Variants in XPO5 observed in about 807,000 individuals in gnomAD.
The protein encoded by XPO5 is exportin-5.
XPO5 carries 46 observed loss-of-function variants against 160.6 expected under a neutral mutation model. That is an observed-to-expected ratio of 0.29 (90% CI 0.23 to 0.37). The LOEUF (loss-of-function observed/expected upper bound fraction) is 0.37, where lower values mean the gene tolerates loss of function less well. Ranked by LOEUF, XPO5 falls within the 10% of genes least tolerant of loss-of-function variation. The pLI is 1.00. For missense variants in XPO5, 1,090 were observed against 1,463.9 expected (o/e 0.74, Z 4.17); for synonymous variants, 537 against 519.3 (o/e 1.03, Z -0.46).
At chr6:43,569,733 CAA>C (rs111780112) in intron 5 of XPO5, among the ~76,000 whole-genome samples, 23 of 104,420 alleles carry the variant, frequency 2.2e-4, no homozygotes, top group Non-Finnish European at 1.4e-4. Flanking sequence ...ACTCCCTCTC[CAA>C]AAAAAAAAAA....
chr6:43,558,371 G>T, intron 12 of XPO5, 130 bp downstream of exon 12: 2 of 765,166 alleles, frequency 2.6e-6, no homozygotes, highest in Non-Finnish European at 2.1e-6. Context: ...GGAAACTAGG[G>T]CCTAATAAGT....
intron 23 of XPO5, chr6:43,529,226 C>T (rs750351857): frequency 3.6e-6 from 5 of 1,402,938 alleles, no homozygotes; most frequent in East Asian, 3.8e-5. Flanking sequence ...AACTCTCCTT[C>T]ACCATTCTCC....
rs1156884252 is a variant in XPO5 at position 43,536,758 on chromosome 6, T to TAAAA, written c.2343-2755_2343-2752dup. Among the ~76,000 whole-genome samples the TAAAA allele has an allele frequency of 5.0e-3, 96 of 19,100 alleles. 10 individuals are homozygous for TAAAA. Among genetic ancestry groups the TAAAA allele is most frequent in the African/African-American group, 9.3e-3 (38 of 4,094 alleles). The allele number at this position is 19,100 out of a possible 152,430, so 12.5% of individuals were successfully genotyped here. On this transcript the variant is annotated intron_variant, in intron 20 of 31. Transcript: ENST00000265351. ...CTGGACGACAGAGTGAGACTCTATC[T>TAAAA]AAAAAAAAAAAAAAAAAAAAAAAAA...
At chr6:43,570,225 T>C (rs532213809) in intron 5 of XPO5, among the ~76,000 whole-genome samples, 112 of 141,262 alleles carry the variant, frequency 7.9e-4, no homozygotes, top group African/African-American at 2.9e-3. Context: ...GGCAGGAGAA[T>C]CGCTTGAACC....
chr6:43,555,738 T>C, intron 13 of XPO5, 98 bp downstream of exon 13: 1 of 1,465,092 alleles, frequency 6.8e-7, no homozygotes, highest in Non-Finnish European at 9.2e-7. Context: ...AGTATAAGTA[T>C]ATCGTTCTGA....
chr6:43,535,898 G>A (rs1794290480), intron 20 of XPO5, among the ~76,000 whole-genome samples: 1 of 151,588 alleles, frequency 6.6e-6, no homozygotes, highest in African/African-American at 2.4e-5. Context: ...CAAGGCCGGA[G>A]AATCACCTGA....
Position 43,523,939 on chromosome 6 carries a change from T to C in XPO5, c.3544A>G (p.Thr1182Ala), listed in dbSNP as rs1177519808. ...ACCTCCGTCTCCAGCATTGGCTTTG[T>C]TTTTTTGAAAAGTGAGGGAAGATTC... ...IKNLPSLFKK[T>A]KPMLETEVLD... Residue 1182 changes from threonine (T) to alanine (A), a missense_variant, in exon 32 of 32, where the codon ACA becomes GCA. Physicochemically the swap from Thr to Ala is moderately conservative, Grantham distance 58. This residue lies in a region of XPO5 where 810 missense variants were observed against 1,139.0 expected (regional missense o/e 0.71). Coordinates refer to ENST00000265351, the MANE Select transcript of XPO5 (RefSeq NM_020750.3). 7.4e-6 allele frequency: 12 copies of C among 1,614,010 alleles called. No individual in the cohort carries two copies. Among genetic ancestry groups the C allele is most frequent in the Non-Finnish European group, 1.0e-5 (12 of 1,179,884 alleles).
intron 20 of XPO5, chr6:43,539,360 T>G: frequency 1.3e-6 from 2 of 1,581,006 alleles, no homozygotes. Flanking sequence ...AGCACGGGTC[T>G]GCTTCTGCAC....
chr6:43,565,586 C>A, intron 8 of XPO5, 74 bp downstream of exon 8: 19 of 1,204,026 alleles, frequency 1.6e-5, no homozygotes, highest in Non-Finnish European at 2.0e-5. Context: ...AAAAAAAGAA[C>A]TTCAGATAAA....
rs1195186315 is a variant in XPO5 at position 43,529,188 on chromosome 6, A to C, written c.2678-263T>G. The C allele has an allele frequency of 2.1e-6, 3 of 1,459,316 alleles. No individual in the cohort carries two copies. The African/African-American group carries it at 4.2e-5, about 21-fold the overall frequency. The allele number at this position is 1,459,316 out of a possible 1,614,324, so 90.4% of individuals were successfully genotyped here. A position where few individuals can be genotyped will look rare whatever the true frequency, so the allele number is the denominator to read the frequency against. On this transcript the variant is annotated intron_variant, in intron 23 of 31. Transcript: ENST00000265351. ...ACTGGCCCAAAAAGTAGGAATAAAA[A>C]AATAGGAAGGAGGACATCCTTGTAA...
At chr6:43,539,218 A>G in intron 20 of XPO5, 3 of 1,183,386 alleles carry the variant, frequency 2.5e-6, no homozygotes, top group Non-Finnish European at 3.7e-6. Flanking sequence ...GCACGGGGAC[A>G]ATGGAGAGCT....
At chr6:43,535,041 C>T (rs1216001762) in intron 20 of XPO5, among the ~76,000 whole-genome samples, 1 of 151,020 alleles carries the variant, frequency 6.6e-6, no homozygotes, top group Non-Finnish European at 1.5e-5. Flanking sequence ...GCCTGTAATC[C>T]CAGCACTTTG....
intron 20 of XPO5, among the ~76,000 whole-genome samples, chr6:43,534,725 C>T (rs913453141): frequency 8.5e-5 from 13 of 152,136 alleles, no homozygotes; most frequent in Non-Finnish European, 4.4e-5. Context: ...AGGCTGGGCT[C>T]GGTGGCTCAC....
Position 43,553,466 on chromosome 6 carries a change from AC to A in XPO5, c.1478del (p.Cys493PhefsTer14). On this transcript the variant is annotated frameshift_variant, in exon 14 of 32. Coordinates refer to ENST00000265351, the MANE Select transcript of XPO5 (RefSeq NM_020750.3). LOFTEE classifies it high-confidence loss of function. Reference sequence around the variant, plus strand: ...GCACGAATGAAGGTGAGAAGACGGAACAGAGGCTTCCTTCTCCAGTTCCAAC... The same window carrying A: ...GCACGAATGAAGGTGAGAAGACGGAAAGAGGCTTCCTTCTCCAGTTCCAAC... ...SAVGTGEGSL[C>X]SVFSPSFVQW... 6.4e-7 allele frequency: 1 copy of A among 1,573,634 alleles called. No individual in the cohort carries two copies. Among genetic ancestry groups the A allele is most frequent in the South Asian group, 1.2e-5 (1 of 85,556 alleles).
intron 18 of XPO5, 68 bp downstream of exon 18, chr6:43,548,192 TG>T: frequency 6.8e-7 from 1 of 1,461,024 alleles, no homozygotes; most frequent in South Asian, 1.4e-5. Flanking sequence ...TACCCCACCC[TG>T]GGCCTAGCTC....
chr6:43,528,049 A>C, intron 25 of XPO5, 110 bp downstream of exon 25: 5 of 1,128,346 alleles, frequency 4.4e-6, no homozygotes, highest in Non-Finnish European at 6.4e-6. Flanking sequence ...AATGACTACA[A>C]CCTACTGCTC....
chr6:43,567,595 T>A (rs1012566121), intron 6 of XPO5, among the ~76,000 whole-genome samples: 1 of 152,054 alleles, frequency 6.6e-6, no homozygotes, highest in East Asian at 1.9e-4. Context: ...CCAAATCTTA[T>A]CATTTTACTT....
intron 8 of XPO5, among the ~76,000 whole-genome samples, chr6:43,565,124 G>A (rs1459803598): frequency 1.3e-5 from 2 of 152,034 alleles, no homozygotes; most frequent in African/African-American, 4.8e-5. Flanking sequence ...GTTTCACCGT[G>A]TTGGCCAGGC....
chr6:43,569,114 G>C (rs1484102161), intron 5 of XPO5, among the ~76,000 whole-genome samples: 1 of 151,998 alleles, frequency 6.6e-6, no homozygotes, highest in Non-Finnish European at 1.5e-5. Flanking sequence ...CCAACATGGT[G>C]AAACCCCATC....
Sources: gnomAD v4.1 joint callset for allele counts (sites outside exome capture counted in the v4.1 genomes callset) on GRCh38, gnomAD v4.1.1 for gene constraint, gnomAD v4.1.1 regional missense constraint, MANE v1.5 for transcripts, NCBI Gene and HGNC (gene_info 2026-07-23, HGNC 2026-07-21) for gene names.